The following CCNY variants were observed in gnomAD, a reference collection of about 807,000 sequenced individuals.
CCNY encodes cyclin-Y.
In CCNY, 19 loss-of-function variants were observed where a neutral mutation model predicts 42.8. The observed-to-expected ratio is 0.44, with a 90% CI of 0.31 to 0.65. The LOEUF (loss-of-function observed/expected upper bound fraction) is 0.65, where lower values mean the gene tolerates loss of function less well. Ranked by LOEUF, CCNY falls within the 30% of genes least tolerant of loss-of-function variation. CCNY has a pLI of 0.07. For synonymous variants in CCNY, 165 were observed against 162.7 expected (o/e 1.01, Z -0.11); for missense variants, 370 against 437.3 (o/e 0.85, Z 1.37).
At chr10:35,518,126 T>A (rs533443591) in intron 4 of CCNY, among the ~76,000 whole-genome samples, 37 of 152,322 alleles carry the variant, frequency 2.4e-4, no homozygotes, top group Middle Eastern at 6.8e-3. Flanking sequence ...GCTCAACACT[T>A]TCATCCTTGG....
chr10:35,418,558 C>T (rs1370067376), intron 1 of CCNY, among the ~76,000 whole-genome samples: 3 of 152,104 alleles, frequency 2.0e-5, no homozygotes, highest in Non-Finnish European at 4.4e-5. Flanking sequence ...GTGGTGTGGT[C>T]GTGGTGCCCC....
intron 3 of CCNY, among the ~76,000 whole-genome samples, chr10:35,279,273 G>A (rs1835273404): frequency 6.6e-6 from 1 of 151,864 alleles, no homozygotes; most frequent in Non-Finnish European, 1.5e-5. Context: ...GCACCACCAC[G>A]CCCAGCTAGT....
chr10:35,257,618 T>C (rs1031695141), intron 3 of CCNY, among the ~76,000 whole-genome samples: 2 of 152,196 alleles, frequency 1.3e-5, no homozygotes, highest in Non-Finnish European at 2.9e-5. Flanking sequence ...GACAGTCTTA[T>C]TGAGAGACCC....
chr10:35,358,190 C>T (rs1836601521), intron 1 of CCNY, among the ~76,000 whole-genome samples: 1 of 151,526 alleles, frequency 6.6e-6, no homozygotes. Flanking sequence ...ATTCATGATA[C>T]CTACAAATGT....
chr10:35,501,234 GA>G (rs1314849965), intron 2 of CCNY, among the ~76,000 whole-genome samples: 1 of 152,150 alleles, frequency 6.6e-6, no homozygotes, highest in Non-Finnish European at 1.5e-5. Context: ...TCAGTTAATG[GA>G]AATCTGTTAC....
At chr10:35,268,142 G>A (rs1378699190) in intron 3 of CCNY, among the ~76,000 whole-genome samples, 1 of 152,052 alleles carries the variant, frequency 6.6e-6, no homozygotes, top group Admixed American at 6.6e-5. Context: ...TGATCTGCCT[G>A]CCTTGGCCTC....
At chr10:35,247,929 A>G (rs2135017426) in intron 1 of CCNY, among the ~76,000 whole-genome samples, 1 of 150,294 alleles carries the variant, frequency 6.7e-6, no homozygotes, top group African/African-American at 2.5e-5. Flanking sequence ...GAATAAATAA[A>G]TGAAAAAAAA....
intron 8 of CCNY, among the ~76,000 whole-genome samples, chr10:35,562,898 A>G (rs983431814): frequency 6.6e-6 from 1 of 151,012 alleles, no homozygotes; most frequent in Non-Finnish European, 1.5e-5. Flanking sequence ...TTAGAGTTCT[A>G]TTTTCAAGTT....
At chr10:35,474,316 G>T (rs1839456744) in intron 1 of CCNY, among the ~76,000 whole-genome samples, 1 of 152,234 alleles carries the variant, frequency 6.6e-6, no homozygotes, top group African/African-American at 2.4e-5. Context: ...AGGCCTGCGT[G>T]CCTCTGTAGG....
intron 3 of CCNY, among the ~76,000 whole-genome samples, chr10:35,305,838 C>T (rs948325948): frequency 2.6e-5 from 4 of 152,094 alleles, no homozygotes; most frequent in Admixed American, 2.6e-4. Context: ...GAGGTAATGT[C>T]CCTGTGGATG....
intron 1 of CCNY, among the ~76,000 whole-genome samples, chr10:35,340,502 TTC>T (rs1238873373): frequency 1.3e-5 from 2 of 151,262 alleles, no homozygotes; most frequent in African/African-American, 4.9e-5. Flanking sequence ...GGCAACTTCA[TTC>T]TTTTTTTTTT....
chr10:35,466,073 A>G (rs1839263813), intron 1 of CCNY, among the ~76,000 whole-genome samples: 4 of 152,078 alleles, frequency 2.6e-5, no homozygotes, highest in Admixed American at 2.0e-4. Flanking sequence ...TTAGTGGCAT[A>G]TAGAAGACAT....
chr10:35,422,517 C>T (rs1838181860), intron 1 of CCNY, among the ~76,000 whole-genome samples: 1 of 152,128 alleles, frequency 6.6e-6, no homozygotes, highest in Non-Finnish European at 1.5e-5. Flanking sequence ...TAGCAAGGTA[C>T]TTGACACATA....
At position 35,516,526 on chromosome 10, in the gene CCNY, C is replaced by T. The variant is rs935527733; in HGVS notation, c.268C>T (p.Pro90Ser). The change falls in exon 4 of 10, where the codon CCT (proline) becomes TCT (serine). Residue 90 changes from proline to serine, a missense_variant. Physicochemically the swap from Pro to Ser is moderately conservative, Grantham distance 74. Coordinates refer to ENST00000374704, the MANE Select transcript of CCNY (RefSeq NM_145012.6). The part of the protein sequence containing the change: ...KRKSLFINHH[P>S]PGQIARKYSS... Reference sequence around the variant, plus strand: ...TCTTCTTGCTGTTGTTTTCTAGCATCCTCCAGGACAAATAGCAAGGAAATA... The same window carrying T: ...TCTTCTTGCTGTTGTTTTCTAGCATTCTCCAGGACAAATAGCAAGGAAATA... 1 of 1,610,948 alleles carries T rather than the reference C, an allele frequency of 6.2e-7. No homozygotes were observed. Among genetic ancestry groups the T allele is most frequent in the South Asian group, 1.1e-5 (1 of 90,982 alleles).
intron 3 of CCNY, among the ~76,000 whole-genome samples, chr10:35,311,828 A>G (rs974176301): frequency 2.9e-4 from 44 of 152,166 alleles, no homozygotes; most frequent in African/African-American, 1.0e-3. Context: ...TCTACAAAAA[A>G]TTTAAAAATT....
chr10:35,346,981 A>T (rs1254889221), intron 1 of CCNY, among the ~76,000 whole-genome samples: 2 of 152,146 alleles, frequency 1.3e-5, no homozygotes, highest in Non-Finnish European at 2.9e-5. Context: ...TTTGTTTTTT[A>T]GTATGGTTTA....
intron 1 of CCNY, among the ~76,000 whole-genome samples, chr10:35,423,161 TAG>T (rs1838194537): frequency 6.6e-6 from 1 of 152,196 alleles, no homozygotes; most frequent in African/African-American, 2.4e-5. Flanking sequence ...CTTTTTTTTA[TAG>T]AGTCTTTTTT....
intron 1 of CCNY, among the ~76,000 whole-genome samples, chr10:35,388,087 G>A (rs1837335361): frequency 6.6e-6 from 1 of 152,166 alleles, no homozygotes; most frequent in South Asian, 2.1e-4. Flanking sequence ...GGTAACTGTG[G>A]GGCTATATTT....
chr10:35,546,224 G>A (rs759280020), intron 7 of CCNY, among the ~76,000 whole-genome samples: 50 of 152,148 alleles, frequency 3.3e-4, no homozygotes, highest in Non-Finnish European at 5.7e-4. Flanking sequence ...ACAATTAACC[G>A]GCCTAGTATT....
Sources: gnomAD v4.1 joint callset for allele counts (sites outside exome capture counted in the v4.1 genomes callset) on GRCh38, gnomAD v4.1.1 for gene constraint, MANE v1.5 for transcripts, NCBI Gene and HGNC (gene_info 2026-07-23, HGNC 2026-07-21) for gene names.